The following CDH4 variants were observed in gnomAD, a reference collection of about 807,000 sequenced individuals.
CDH4 encodes the protein cadherin-4.
In CDH4, 33 loss-of-function variants were observed where a neutral mutation model predicts 86.0. The ratio of observed to expected loss-of-function variants is 0.38; its 90% CI spans 0.29 to 0.51. The LOEUF (loss-of-function observed/expected upper bound fraction) is 0.51. CDH4 is among the 20% of genes least tolerant of loss of function. CDH4 has a pLI of 0.86. For synonymous variants in CDH4, 555 were observed against 549.4 expected, an observed-to-expected ratio of 1.01 and a Z score of -0.14; for missense variants, 1,114 against 1,307.4, an observed-to-expected ratio of 0.85 and a Z score of 2.28.
chr20:61,740,629 G>T (rs1167269007), intron 2 of CDH4: 1 of 152,210 alleles, frequency 6.6e-6, no homozygotes, highest in Non-Finnish European at 1.5e-5. Flanking sequence ...CTCCAGGAGG[G>T]TGTGGGCCAG....
At chr20:61,323,987 G>C (rs568944434) in intron 2 of CDH4, among the ~76,000 whole-genome samples, 51 of 152,304 alleles carry the variant, frequency 3.3e-4, no homozygotes, top group African/African-American at 1.1e-3. Context: ...GCACATTTGA[G>C]GGGAGATCGC....
At chr20:61,529,695 T>C (rs766183588) in intron 2 of CDH4, among the ~76,000 whole-genome samples, 11 of 152,170 alleles carry the variant, frequency 7.2e-5, no homozygotes, top group Non-Finnish European at 1.5e-4. Flanking sequence ...GCGAGGGCCT[T>C]GAGGGAACGT....
intron 2 of CDH4, among the ~76,000 whole-genome samples, chr20:61,562,364 G>A (rs867488528): frequency 3.6e-5 from 5 of 138,928 alleles, no homozygotes; most frequent in Non-Finnish European, 7.7e-5. Flanking sequence ...AGGGACCTCC[G>A]TGTGGAGAGG....
rs532062428 is a variant in CDH4 at position 61,466,749 on chromosome 20, G to C, written c.169+211812G>C. ...ATCTGTAGTTCCAGCTAATCAGGAC[G>C]CTGAGGCGGGAGGATCACTTGAACC... On this transcript the variant is annotated intron_variant, in intron 2 of 15. Coordinates refer to ENST00000614565, the MANE Select transcript of CDH4 (RefSeq NM_001794.5). Among the ~76,000 whole-genome samples, 196 of 152,236 alleles carry C rather than the reference G, an allele frequency of 1.3e-3. 1 individual carries two copies. The highest frequency in any genetic ancestry group is 2.1e-3 in the Non-Finnish European group (143 of 68,018).
rs190816437 is a variant in CDH4, at chr20:61,327,155, C to G, written c.169+72218C>G. Among the ~76,000 whole-genome samples the G allele has an allele frequency of 4.2e-3, 638 of 152,218 alleles. 1 individual carries two copies. Among genetic ancestry groups the G allele is most frequent in the Middle Eastern group, 0.01 (3 of 294 alleles). ...GCAAATGATGGCTTTGAAATCTCAT[C>G]TTTTATCTAAAAAAATGTATCCACC... On this transcript the variant is annotated intron_variant, in intron 2 of 15. Transcript: ENST00000614565.
chr20:61,412,360 C>T (rs191995985), intron 2 of CDH4, among the ~76,000 whole-genome samples: 49 of 152,256 alleles, frequency 3.2e-4, no homozygotes, highest in Non-Finnish European at 5.6e-4. Context: ...GAACTGGCCA[C>T]GGTGGGAATA....
chr20:61,528,428 G>A (rs2085927115), intron 2 of CDH4, among the ~76,000 whole-genome samples: 1 of 113,604 alleles, frequency 8.8e-6, no homozygotes, highest in South Asian at 4.2e-4. Context: ...AGGGGGAGAG[G>A]AGGGGAAGGG....
At chr20:61,850,587 C>A (rs758665242) in intron 5 of CDH4, among the ~76,000 whole-genome samples, 1 of 152,236 alleles carries the variant, frequency 6.6e-6, no homozygotes, top group Non-Finnish European at 1.5e-5. Flanking sequence ...TGCCAGACCA[C>A]GCCCATGTAT....
chr20:61,282,671 C>A (rs1200796385), intron 2 of CDH4, among the ~76,000 whole-genome samples: 1 of 152,158 alleles, frequency 6.6e-6, no homozygotes, highest in African/African-American at 2.4e-5. Flanking sequence ...GTGCCTTGTG[C>A]ACACGTGTGT....
intron 2 of CDH4, among the ~76,000 whole-genome samples, chr20:61,540,240 T>A (rs2086030052): frequency 6.6e-6 from 1 of 152,140 alleles, no homozygotes; most frequent in Non-Finnish European, 1.5e-5. Flanking sequence ...TAGGAAGACC[T>A]CATATCACAA....
chr20:61,446,888 T>C (rs1202850343), intron 2 of CDH4, among the ~76,000 whole-genome samples: 1 of 152,226 alleles, frequency 6.6e-6, no homozygotes, highest in East Asian at 1.9e-4. Flanking sequence ...ATTTACACAT[T>C]TTTATATGTC....
At chr20:61,673,378 G>T (rs918961406) in intron 2 of CDH4, among the ~76,000 whole-genome samples, 4 of 152,190 alleles carry the variant, frequency 2.6e-5, no homozygotes, top group Non-Finnish European at 4.4e-5. Context: ...ATCTTTTTGT[G>T]CCTCCTTTTA....
At chr20:61,661,090 G>C (rs113303686) in intron 2 of CDH4, among the ~76,000 whole-genome samples, 2 of 141,630 alleles carry the variant, frequency 1.4e-5, no homozygotes, top group South Asian at 2.3e-4. Context: ...ATGGCGGGGG[G>C]GGGGGAGACA....
At chr20:61,677,644 AGTGGGTAGGTAG>A (rs998159278) in intron 2 of CDH4, among the ~76,000 whole-genome samples, 1 of 30,244 alleles carries the variant, frequency 3.3e-5, no homozygotes, top group Admixed American at 5.7e-4. Flanking sequence ...CAAAAGGATA[AGTGGGTAGGTAG>A]GTGGGTGGGT....
intron 4 of CDH4, among the ~76,000 whole-genome samples, chr20:61,792,263 C>T (rs976263613): frequency 6.6e-6 from 1 of 152,104 alleles, no homozygotes; most frequent in South Asian, 2.1e-4. Flanking sequence ...TTCAGCCCAC[C>T]CTGCTGTTGA....
At chr20:61,877,334 C>A (rs1335996759) in intron 7 of CDH4, among the ~76,000 whole-genome samples, 1 of 152,126 alleles carries the variant, frequency 6.6e-6, no homozygotes, top group African/African-American at 2.4e-5. Flanking sequence ...CTCCCCAAGG[C>A]CCACAGCAGA....
At position 61,902,316 on chromosome 20, in the gene CDH4, C is replaced by T. The variant is rs2054735385; in HGVS notation, c.1188+7269C>T. 6.6e-6 allele frequency among the ~76,000 whole-genome samples: 1 copy of T among 152,268 alleles called. No homozygotes were observed. The highest frequency in any genetic ancestry group is 1.9e-4 in the East Asian group (1 of 5,202). On this transcript the variant is annotated intron_variant, in intron 8 of 15. Transcript: ENST00000614565. The surrounding 1 kb of genome is among the most constrained non-coding windows in gnomAD (Gnocchi z 4.6). ...GGGGCCTCCATTCCAGGAGAAGCAG[C>T]CTCACTCTGCCCTTCACCAGCCACG... is the stretch of plus-strand genomic sequence containing the variant.
At chr20:61,816,839 G>C (rs757467245) in intron 4 of CDH4, among the ~76,000 whole-genome samples, 1 of 152,098 alleles carries the variant, frequency 6.6e-6, no homozygotes, top group African/African-American at 2.4e-5. Context: ...CCCTGAGCTC[G>C]CCCGCATCCC....
rs200695348 is a variant in CDH4, at chr20:61,852,721, C to T, written c.733-33C>T. 1.4e-4 allele frequency: 222 copies of T among 1,600,620 alleles called. No individual in the cohort carries two copies. The East Asian group carries it at 4.2e-3, about 30-fold the overall frequency. ...TCTCAGCTGAGTGGGGGTGCCCACC[C>T]GCCACTGGGCCCTGTCTCTGCTGCT... On this transcript the variant is annotated intron_variant, in intron 5 of 15. Transcript: ENST00000614565.
Sources: gnomAD v4.1 joint callset for allele counts (sites outside exome capture counted in the v4.1 genomes callset) on GRCh38, gnomAD v4.1.1 for gene constraint, Gnocchi (gnomAD v3.1) non-coding constraint, MANE v1.5 for transcripts, NCBI Gene and HGNC (gene_info 2026-07-23, HGNC 2026-07-21) for gene names.